Variants in NPC1 observed in about 807,000 individuals in gnomAD.
NPC1 encodes the protein NPC intracellular cholesterol transporter 1.
A neutral mutation model predicts 140.4 loss-of-function variants in NPC1; 85 were observed. The ratio of observed to expected loss-of-function variants is 0.61; its 90% CI spans 0.51 to 0.72. The LOEUF (loss-of-function observed/expected upper bound fraction) is 0.72. NPC1 is among the 30% of genes least tolerant of loss of function. The probability of loss-of-function intolerance (pLI) is 0.00; values close to 1 mark genes in which losing one functional copy is unlikely to be tolerated. For synonymous variants in NPC1, 656 were observed against 624.8 expected (o/e 1.05, Z -0.74); for missense variants, 1,504 against 1,623.8 (o/e 0.93, Z 1.27).
Position 23,531,464 on chromosome 18 carries a change from T to G in NPC1, c.*738A>C, listed in dbSNP as rs1256447958. 21 of 1,381,898 alleles carry G rather than the reference T, an allele frequency of 1.5e-5. No individual in the cohort carries two copies. Among genetic ancestry groups the G allele is most frequent in the Non-Finnish European group, 2.0e-5 (21 of 1,054,884 alleles). 85.6% of individuals were successfully genotyped at this position (1,381,898 alleles called of 1,614,324 possible). On this transcript the variant is annotated 3_prime_UTR_variant, in exon 25 of 25. Transcript: ENST00000269228. ...GAATCTCTTCCATTTAGCTTTTGTA[T>G]TTGTCTCTCAAAGCAGATAGGGTAA... is the stretch of plus-strand genomic sequence containing the variant.
chr18:23,517,893 T>C (rs1598874905), downstream of NPC1, among the ~76,000 whole-genome samples: 2 of 152,180 alleles, frequency 1.3e-5, no homozygotes, highest in Non-Finnish European at 2.9e-5. Flanking sequence ...AATTTTTGTA[T>C]TTTCTGAAGA....
intron 10 of NPC1, among the ~76,000 whole-genome samples, chr18:23,548,497 C>T (rs2058821221): frequency 6.6e-6 from 1 of 152,100 alleles, no homozygotes. Context: ...TTTCCAGAGC[C>T]ACTCCACACA....
chr18:23,562,302 A>C (rs970322147), intron 4 of NPC1, among the ~76,000 whole-genome samples: 23 of 151,908 alleles, frequency 1.5e-4, no homozygotes, highest in African/African-American at 5.3e-4. Context: ...AAAACAAAAA[A>C]AAAAAACAAA....
intron 1 of NPC1, chr18:23,576,364 G>C: frequency 2.1e-6 from 1 of 477,910 alleles, no homozygotes; most frequent in Non-Finnish European, 2.7e-6. Context: ...TGAGGCTGCA[G>C]TGAGCTGAGA....
chr18:23,532,399 T>G lies in NPC1; in HGVS notation c.3755-115A>C. The G allele has an allele frequency of 2.7e-6, 3 of 1,125,822 alleles. 1 individual carries two copies. The highest frequency in any genetic ancestry group is 2.5e-5 in the South Asian group (2 of 80,848). 69.7% of individuals were successfully genotyped at this position (1,125,822 alleles called of 1,614,324 possible). A position where few individuals can be genotyped will look rare whatever the true frequency, so the allele number is the denominator to read the frequency against. ...GGAAGACTGAGGCAGGAGAATTGCT[T>G]GAGACCAGCCTGGACAACAGAGTGA... On this transcript the variant is annotated intron_variant, in intron 24 of 24. Transcript: ENST00000269228.
At chr18:23,522,238 C>T (rs1193921830), downstream of NPC1, 1 of 152,218 alleles carries the variant, frequency 6.6e-6, no homozygotes, top group Non-Finnish European at 1.5e-5. Flanking sequence ...TTCTTTCAAG[C>T]TTCTTCCTTT....
intron 1 of NPC1, chr18:23,576,913 C>CT (rs2059290743): frequency 6.5e-6 from 1 of 152,750 alleles, no homozygotes; most frequent in South Asian, 2.1e-4. Context: ...AAGAACAACG[C>CT]TTCCACAGCA....
chr18:23,541,441 G>A lies in NPC1; in HGVS notation c.2246-8C>T, dbSNP rs1400018382. On this transcript the variant is annotated splice_region_variant and splice_polypyrimidine_tract_variant and intron_variant, in intron 14 of 24. Coordinates refer to ENST00000269228, the MANE Select transcript of NPC1 (RefSeq NM_000271.5). ...GCATCACGGACAATGCTCCTGTCGGGGAGAGAAGGGCTCTGCGTCACTTCT... is the reference window on the plus strand; with the variant it reads ...GCATCACGGACAATGCTCCTGTCGGAGAGAGAAGGGCTCTGCGTCACTTCT... 1.4e-5 allele frequency: 23 copies of A among 1,614,112 alleles called. No homozygotes were observed. The highest frequency in any genetic ancestry group is 1.9e-5 in the Non-Finnish European group (23 of 1,180,046).
chr18:23,554,549 T>C (rs1384987024), intron 9 of NPC1, among the ~76,000 whole-genome samples: 2 of 150,350 alleles, frequency 1.3e-5, no homozygotes, highest in African/African-American at 4.9e-5. Flanking sequence ...GAGGTTACAG[T>C]GAGCCAAGAT....
downstream of NPC1, chr18:23,520,087 A>G (rs2276260): frequency 1.4e-6 from 1 of 734,816 alleles, no homozygotes; most frequent in South Asian, 1.6e-5. Context: ...GCCTGTAGGG[A>G]GGAAATGCAA....
intron 8 of NPC1, among the ~76,000 whole-genome samples, 157 bp from the exon 9 acceptor site, chr18:23,555,141 A>G (rs565906498): frequency 2.7e-4 from 41 of 152,366 alleles, no homozygotes; most frequent in Non-Finnish European, 4.4e-5. Context: ...ATACAGTAAG[A>G]AAACTGGTCA....
downstream of NPC1, among the ~76,000 whole-genome samples, chr18:23,521,254 G>A (rs2058134384): frequency 6.6e-6 from 1 of 152,218 alleles, no homozygotes; most frequent in Non-Finnish European, 1.5e-5. Flanking sequence ...TCCCTTGGGA[G>A]GAAATAGAAT....
downstream of NPC1, chr18:23,520,102 AG>A: frequency 1.2e-6 from 1 of 862,236 alleles, no homozygotes; most frequent in Non-Finnish European, 1.9e-6. Flanking sequence ...ATGCAAACAC[AG>A]GCTTTTAAAC....
chr18:23,569,576 C>T (rs1243111965), intron 3 of NPC1, among the ~76,000 whole-genome samples: 1 of 152,204 alleles, frequency 6.6e-6, no homozygotes, highest in Non-Finnish European at 1.5e-5. Flanking sequence ...CCTGCCTTGG[C>T]CTTCCAAAGT....
rs1249028872 is a variant in NPC1 at position 23,561,331 on chromosome 18, C to T, written c.631+29G>A. 4 of 1,612,926 alleles carry T rather than the reference C, an allele frequency of 2.5e-6. No individual in the cohort carries two copies. The South Asian group carries it at 3.3e-5, about 13-fold the overall frequency. On this transcript the variant is annotated intron_variant, in intron 5 of 24. Transcript: ENST00000269228. ...CTTGGCTTTAAAACAATATCATAAA[C>T]ACACCAAACTTGGAATCTTTATACC...
At position 23,531,908 on chromosome 18, in the gene NPC1, G is replaced by A. The variant is rs1260871598; in HGVS notation, c.*294C>T. 132 of 1,441,342 alleles carry A rather than the reference G, an allele frequency of 9.2e-5. 1 individual carries two copies. Among genetic ancestry groups the A allele is most frequent in the Middle Eastern group, 2.5e-4 (1 of 3,938 alleles). The allele number at this position is 1,441,342 out of a possible 1,614,324, so 89.3% of individuals were successfully genotyped here. On this transcript the variant is annotated 3_prime_UTR_variant, in exon 25 of 25. Transcript: ENST00000269228. ...TGGCCTTTACAGAGTGTCAGTGAGC[G>A]GATCACATTCACAGCCATCTAGTGT...
chr18:23,536,927 A>G, intron 20 of NPC1, 51 bp from the exon 21 acceptor site: 4 of 1,491,534 alleles, frequency 2.7e-6, no homozygotes, highest in Non-Finnish European at 3.7e-6. Context: ...GCAAAATATC[A>G]GCAGAATCTG....
downstream of NPC1, chr18:23,528,131 TTTTG>T (rs1172331700): frequency 4.6e-6 from 2 of 434,096 alleles, no homozygotes; most frequent in Non-Finnish European, 8.2e-6. Flanking sequence ...CCTTCACTGT[TTTTG>T]TTTTTCCCAT....
intron 6 of NPC1, among the ~76,000 whole-genome samples, chr18:23,558,662 CTAA>C (rs964708141): frequency 1.3e-4 from 20 of 151,748 alleles, no homozygotes; most frequent in African/African-American, 4.6e-4. Context: ...TCTGGTTTAG[CTAA>C]TAATAATGTA....
Sources: allele counts gnomAD v4.1 joint callset (sites outside exome capture counted in the v4.1 genomes callset), GRCh38; gene constraint gnomAD v4.1.1; transcripts MANE v1.5; gene names NCBI Gene and HGNC (gene_info 2026-07-23, HGNC 2026-07-21).